ADAMTS14: variants seen among roughly 807,000 people sequenced by gnomAD.
ADAMTS14 encodes the protein A disintegrin and metalloproteinase with thrombospondin motifs 14.
In ADAMTS14, 100 loss-of-function variants were observed where a neutral mutation model predicts 128.6. The observed-to-expected ratio is 0.78, with a 90% confidence interval of 0.66 to 0.92. ADAMTS14 has a LOEUF of 0.92. ADAMTS14 is among the 40% of genes least tolerant of loss of function. The pLI is 0.00. For missense variants in ADAMTS14, 1,562 were observed against 1,658.6 expected, an observed-to-expected ratio of 0.94 and a Z score of 1.01; for synonymous variants, 665 against 653.8, an observed-to-expected ratio of 1.02 and a Z score of -0.26.
Position 70,758,188 on chromosome 10 carries a change from C to G in ADAMTS14, c.3081C>G (p.Asn1027Lys), listed in dbSNP as rs1195382152. ...TCCTGCTCACAGGAAATCACCAGAA[C>G]TCCACGGTGAGGGCCGATGTCTGGG... The part of the protein sequence containing the change: ...SLPACGGNHQ[N>K]STVRADVWEL... The change falls in exon 21 of 22, where the codon AAC becomes AAG. Residue 1027 changes from asparagine (N) to lysine (K), a missense_variant. By Grantham distance (94) the Asn-to-Lys change is moderately conservative. Transcript: ENST00000373207. The G allele has an allele frequency of 1.2e-6, 2 of 1,614,146 alleles. No homozygotes were observed. Among genetic ancestry groups the G allele is most frequent in the South Asian group, 2.2e-5 (2 of 91,086 alleles).
chr10:70,745,415 T>TAG, intron 15 of ADAMTS14, 109 bp downstream of exon 15: 2 of 1,131,292 alleles, frequency 1.8e-6, no homozygotes, highest in Non-Finnish European at 2.6e-6. Context: ...GGAATTGTAC[T>TAG]AACTGGAGTA....
chr10:70,725,859 T>C (rs1216030139), intron 4 of ADAMTS14, among the ~76,000 whole-genome samples: 1 of 152,078 alleles, frequency 6.6e-6, no homozygotes, highest in Non-Finnish European at 1.5e-5. Context: ...CCTCTCCTTT[T>C]AAGGGCCCAC....
Position 70,672,861 on chromosome 10 carries a change from C to T in ADAMTS14, c.59C>T (p.Ala20Val), listed in dbSNP as rs1229308900. 1 of 1,503,626 alleles carries T rather than the reference C, an allele frequency of 6.7e-7. No individual in the cohort carries two copies. 93.1% of individuals were successfully genotyped at this position (1,503,626 alleles called of 1,614,324 possible). Residue 20 changes from alanine to valine, a missense_variant, in exon 1 of 22, where the codon GCC (alanine) becomes GTC (valine). By Grantham distance (64) the Ala-to-Val change is moderately conservative. Transcript: ENST00000373207. Reference sequence around the variant, plus strand: ...CTGCCTTTGCACTGTGCGCTCTGCGCCGCCGCGGGCAGCCGGACCCCAGGT... The same window carrying T: ...CTGCCTTTGCACTGTGCGCTCTGCGTCGCCGCGGGCAGCCGGACCCCAGGT... ...YLLPLHCALC[A>V]AAGSRTPELH...
intron 15 of ADAMTS14, among the ~76,000 whole-genome samples, chr10:70,749,396 C>T (rs868855424): frequency 2.2e-4 from 33 of 152,228 alleles, no homozygotes; most frequent in African/African-American, 3.9e-4. Flanking sequence ...ACCATCAATC[C>T]GACTCCAGAG....
At chr10:70,753,162 T>C (rs143116952) in intron 18 of ADAMTS14, among the ~76,000 whole-genome samples, 22 of 151,830 alleles carry the variant, frequency 1.4e-4, no homozygotes, top group Admixed American at 7.9e-4. Context: ...CAGGGAGGAG[T>C]AGGAGTCGAG....
chr10:70,720,157 C>T (rs536836222), intron 4 of ADAMTS14, among the ~76,000 whole-genome samples: 1 of 152,334 alleles, frequency 6.6e-6, no homozygotes, highest in South Asian at 2.1e-4. Context: ...GCTCCAGGAG[C>T]TCCAGAGACA....
intron 5 of ADAMTS14, 61 bp from the exon 6 acceptor site, chr10:70,730,041 C>G: frequency 6.6e-7 from 1 of 1,517,090 alleles, no homozygotes; most frequent in Non-Finnish European, 8.8e-7. Flanking sequence ...AGGAGAGAGG[C>G]CTGCTGTTTC....
At chr10:70,701,065 C>G (rs1840479259) in intron 2 of ADAMTS14, among the ~76,000 whole-genome samples, 1 of 152,222 alleles carries the variant, frequency 6.6e-6, no homozygotes. Flanking sequence ...AGGCAACCAT[C>G]TTGGTTTGGC....
At chr10:70,702,038 A>G (rs1840508148) in intron 2 of ADAMTS14, among the ~76,000 whole-genome samples, 1 of 152,174 alleles carries the variant, frequency 6.6e-6, no homozygotes, top group African/African-American at 2.4e-5. Flanking sequence ...AATTTTATGT[A>G]GAGCCCCATG....
intron 19 of ADAMTS14, 91 bp downstream of exon 19, chr10:70,754,098 C>T: frequency 8.3e-7 from 1 of 1,206,300 alleles, no homozygotes; most frequent in African/African-American, 1.5e-5. Flanking sequence ...AGAGTTTCTG[C>T]CTGAATGGCT....
chr10:70,688,049 G>A (rs1840041555), intron 2 of ADAMTS14, among the ~76,000 whole-genome samples: 1 of 55,102 alleles, frequency 1.8e-5, no homozygotes, highest in Admixed American at 1.9e-4. Context: ...CTGCCGGGCG[G>A]AGAGGCTCCT....
chr10:70,716,243 C>T (rs1166996435), intron 4 of ADAMTS14, among the ~76,000 whole-genome samples: 2 of 152,218 alleles, frequency 1.3e-5, no homozygotes, highest in African/African-American at 4.8e-5. Context: ...GTCTTCTGCT[C>T]ACTGCTGGGT....
rs1006434722 is a variant in ADAMTS14 at position 70,743,655 on chromosome 10, A to G, written c.2032A>G (p.Ser678Gly). ...ACGCTGCAGCTACCGGGACCCATAC[A>G]GCGTCTGTGCGCGTGGCGAGTGTGT... ...GTRCSYRDPYSVCARGECVPV... is the reference protein window; with the variant it reads ...GTRCSYRDPYGVCARGECVPV... Residue 678 changes from serine to glycine, a missense_variant, in exon 13 of 22, where the codon AGC becomes GGC. By Grantham distance (56) the Ser-to-Gly change is moderately conservative. Coordinates refer to ENST00000373207, the MANE Select transcript of ADAMTS14 (RefSeq NM_080722.4). 2 of 1,607,062 alleles carry G rather than the reference A, an allele frequency of 1.2e-6. No homozygotes were observed. Among genetic ancestry groups the G allele is most frequent in the Admixed American group, 1.7e-5 (1 of 58,556 alleles).
Position 70,672,624 on chromosome 10 carries a change from C to T in ADAMTS14, c.-179C>T, listed in dbSNP as rs974817741. ...CCGGAGCCAGCGGTCCAGGCGGCGGCGCCGCGCAGGGGACCCGGAGCAGGC... is the reference window on the plus strand; with the variant it reads ...CCGGAGCCAGCGGTCCAGGCGGCGGTGCCGCGCAGGGGACCCGGAGCAGGC... On this transcript the variant is annotated 5_prime_UTR_variant, in exon 1 of 22. Transcript: ENST00000373207. 6.6e-6 allele frequency among the ~76,000 whole-genome samples: 1 copy of T among 151,702 alleles called. No homozygotes were observed. The highest frequency in any genetic ancestry group is 1.5e-5 in the Non-Finnish European group (1 of 67,858).
At chr10:70,751,416 C>G (rs1842344559) in intron 16 of ADAMTS14, 62 bp from the exon 17 acceptor site, 9 of 1,528,466 alleles carry the variant, frequency 5.9e-6, no homozygotes, top group Non-Finnish European at 6.3e-6. Context: ...CCCCTCCCCT[C>G]CCAGTGCATG....
chr10:70,753,957 T>C lies in ADAMTS14; in HGVS notation c.2887T>C (p.Cys963Arg). 2 of 1,582,794 alleles carry C rather than the reference T, an allele frequency of 1.3e-6. No homozygotes were observed. The highest frequency in any genetic ancestry group is 1.7e-6 in the Non-Finnish European group (2 of 1,165,570). Residue 963 changes from cysteine (C) to arginine (R), a missense_variant, in exon 19 of 22, where the codon TGT becomes CGT. Coordinates refer to ENST00000373207, the MANE Select transcript of ADAMTS14 (RefSeq NM_080722.4). ...GGACCGGCCTGAGGCCCGACGGCCC[T>C]GTCTCCGAGTGCCCTGCCCAGCCCA... ...AGDRPEARRPCLRVPCPAQWR... is the reference protein window; with the variant it reads ...AGDRPEARRPRLRVPCPAQWR...
At chr10:70,675,116 C>T in intron 2 of ADAMTS14, 121 bp downstream of exon 2, 1 of 1,229,682 alleles carries the variant, frequency 8.1e-7, no homozygotes, top group Non-Finnish European at 1.1e-6. Flanking sequence ...TGCTGCCTTC[C>T]AGAGGGAGTG....
At chr10:70,677,187 A>C (rs570259775) in intron 2 of ADAMTS14, among the ~76,000 whole-genome samples, 1 of 152,322 alleles carries the variant, frequency 6.6e-6, no homozygotes, top group African/African-American at 2.4e-5. Flanking sequence ...AAGCACGATC[A>C]CATGGCTACG....
Position 70,752,127 on chromosome 10 carries a change from A to T in ADAMTS14, c.2629A>T (p.Arg877Ter), listed in dbSNP as rs1455369039. The change falls in exon 18 of 22, where the codon AGA (arginine) becomes TGA (stop). Residue 877 changes from arginine (R) to a stop codon, truncating the protein, a stop_gained. Coordinates refer to ENST00000373207, the MANE Select transcript of ADAMTS14 (RefSeq NM_080722.4). LOFTEE classifies it high-confidence loss of function. The stretch of plus-strand genomic sequence containing the variant: ...GTTCACCAAATACGGCTGCCGGCGC[A>T]GACGAGACCACCACATGGTGCAGCG... ...IQFTKYGCRR[R>*]RDHHMVQRHL... The T allele has an allele frequency of 6.2e-7, 1 of 1,613,202 alleles. No individual in the cohort carries two copies. The highest frequency in any genetic ancestry group is 2.2e-5 in the East Asian group (1 of 44,886).
Sources: gnomAD v4.1 joint callset for allele counts (sites outside exome capture counted in the v4.1 genomes callset) on GRCh38, gnomAD v4.1.1 for gene constraint, MANE v1.5 for transcripts, NCBI Gene and HGNC (gene_info 2026-07-23, HGNC 2026-07-21) for gene names.